The following TRA2A variants were observed in gnomAD, a reference collection of about 807,000 sequenced individuals.
TRA2A encodes the protein transformer 2 alpha homolog.
Under a neutral mutation model 45.7 loss-of-function variants are expected in TRA2A, and 31 were observed. The observed-to-expected ratio is 0.68, with a 90% CI of 0.51 to 0.92. The LOEUF is 0.92. TRA2A is among the 40% of genes least tolerant of loss of function. The pLI is 0.00. For missense variants in TRA2A, 304 were observed against 367.5 expected (o/e 0.83, Z 1.41); for synonymous variants, 132 against 126.2 (o/e 1.05, Z -0.31).
intron 2 of TRA2A, among the ~76,000 whole-genome samples, chr7:23,518,067 C>T (rs184938082): frequency 1.3e-4 from 19 of 151,644 alleles, no homozygotes; most frequent in Non-Finnish European, 2.8e-4. Context: ...GCTTCCCAGA[C>T]AGCTAGGACT....
Position 23,505,500 on chromosome 7 carries a change from T to TAAAAAAA in TRA2A, c.*52_*58dup, listed in dbSNP as rs777556731. 4.3e-3 allele frequency: 1,510 copies of TAAAAAAA among 349,762 alleles called. 4 individuals carry two copies. The highest frequency in any genetic ancestry group is 5.7e-3 in the Non-Finnish European group (1,180 of 208,386). 21.7% of individuals were successfully genotyped at this position (349,762 alleles called of 1,614,324 possible). On this transcript the variant is annotated 3_prime_UTR_variant, in exon 8 of 8. Coordinates refer to ENST00000297071, the MANE Select transcript of TRA2A (RefSeq NM_013293.5). Reference sequence around the variant, plus strand: ...CCACAGCTTGGGGAAATCTCAGAATTAAAAAAAAAAAAAAAAAAAAGAGGA... The same window carrying TAAAAAAA: ...CCACAGCTTGGGGAAATCTCAGAATTAAAAAAAAAAAAAAAAAAAAAAAAAAAGAGGA...
chr7:23,506,296 G>A lies in TRA2A; in HGVS notation c.642-30C>T, dbSNP rs374383846. 2.5e-4 allele frequency: 399 copies of A among 1,565,218 alleles called. No individual in the cohort carries two copies. The African/African-American group carries it at 5.0e-3, about 20-fold the overall frequency. On this transcript the variant is annotated intron_variant, in intron 5 of 7. Transcript: ENST00000297071. ...AGAAAAATGTAAAAATTCTCCATTA[G>A]TGTGAATGACTATTTTCCAGGACAC...
At chr7:23,510,094 T>A (rs367643143) in intron 4 of TRA2A, among the ~76,000 whole-genome samples, 1 of 152,158 alleles carries the variant, frequency 6.6e-6, no homozygotes, top group Non-Finnish European at 1.5e-5. Flanking sequence ...TCACTTCAGA[T>A]TGCCTGTCCC....
chr7:23,510,298 C>A (rs1789539073), intron 4 of TRA2A, among the ~76,000 whole-genome samples: 1 of 152,114 alleles, frequency 6.6e-6, no homozygotes, highest in Non-Finnish European at 1.5e-5. Context: ...AGTAACTGCT[C>A]CTGTCTTTAA....
At chr7:23,521,950 T>G in intron 1 of TRA2A, 110 bp from the exon 2 acceptor site, 1 of 1,487,550 alleles carries the variant, frequency 6.7e-7, no homozygotes, top group Non-Finnish European at 9.0e-7. Flanking sequence ...AACAAATGGT[T>G]AGACAACACC....
chr7:23,511,429 A>G (rs1391365282), intron 4 of TRA2A, among the ~76,000 whole-genome samples: 1 of 146,770 alleles, frequency 6.8e-6, no homozygotes, highest in Admixed American at 6.8e-5. Context: ...AAGAAAAGAA[A>G]AACACCCTGA....
intron 2 of TRA2A, among the ~76,000 whole-genome samples, chr7:23,520,672 G>A (rs1790092932): frequency 6.8e-6 from 1 of 147,544 alleles, no homozygotes; most frequent in African/African-American, 2.5e-5. Flanking sequence ...TAACTGGTCA[G>A]GCTGTTTTAA....
At chr7:23,531,495 T>C in intron 1 of TRA2A, 1 of 506,360 alleles carries the variant, frequency 2.0e-6, no homozygotes, top group Non-Finnish European at 3.5e-6. Flanking sequence ...GGAGCAGACA[T>C]AAGGAAGCCT....
At chr7:23,506,927 C>G (rs191093243) in intron 5 of TRA2A, among the ~76,000 whole-genome samples, 230 of 152,164 alleles carry the variant, frequency 1.5e-3, no homozygotes, top group African/African-American at 5.4e-3. Flanking sequence ...AGGTGCCTGC[C>G]ACCATGCCCA....
intron 2 of TRA2A, among the ~76,000 whole-genome samples, chr7:23,518,352 T>A (rs1048514159): frequency 1.3e-5 from 2 of 151,358 alleles, no homozygotes; most frequent in Non-Finnish European, 2.9e-5. Context: ...GTAACATTTC[T>A]TTTTTTGGAG....
chr7:23,515,223 C>CTTTT lies in TRA2A; in HGVS notation c.336+1136_336+1139dup, dbSNP rs767953060. Among the ~76,000 whole-genome samples, 219 of 96,772 alleles carry CTTTT rather than the reference C, an allele frequency of 2.3e-3. 2 individuals are homozygous for CTTTT. Among genetic ancestry groups the CTTTT allele is most frequent in the Middle Eastern group, 8.3e-3 (1 of 120 alleles). 63.5% of individuals were successfully genotyped at this position (96,772 alleles called of 152,430 possible). A position where few individuals can be genotyped will look rare whatever the true frequency, so the allele number is the denominator to read the frequency against. ...TCACTTGAATTCGTGGAACATATTT[C>CTTTT]TTTTTTTTTTTTTTTTTTTTTTTTG... On this transcript the variant is annotated intron_variant, in intron 3 of 7. Transcript: ENST00000297071.
intron 1 of TRA2A, among the ~76,000 whole-genome samples, chr7:23,530,496 T>C (rs1347308681): frequency 3.3e-5 from 5 of 152,218 alleles, no homozygotes; most frequent in Admixed American, 2.0e-4. Context: ...GGTGTTTTTA[T>C]GTGCTTCCCC....
intron 7 of TRA2A, 53 bp downstream of exon 7, chr7:23,505,693 A>G: frequency 2.6e-6 from 3 of 1,168,338 alleles, no homozygotes; most frequent in Non-Finnish European, 1.2e-6. Context: ...TTCTAAAGTA[A>G]GCCATTAATT....
At chr7:23,514,852 A>G (rs1277200168) in intron 3 of TRA2A, among the ~76,000 whole-genome samples, 1 of 152,234 alleles carries the variant, frequency 6.6e-6, no homozygotes, top group Non-Finnish European at 1.5e-5. Flanking sequence ...TTAAATAATG[A>G]CATGCTCCAC....
intron 4 of TRA2A, 107 bp downstream of exon 4, chr7:23,512,787 A>G (rs1789687025): frequency 2.1e-6 from 2 of 972,276 alleles, no homozygotes; most frequent in Non-Finnish European, 2.9e-6. Context: ...AAAAAAAAAA[A>G]GAAAAAAAGG....
At chr7:23,526,248 C>T (rs1790336284) in intron 1 of TRA2A, among the ~76,000 whole-genome samples, 2 of 152,110 alleles carry the variant, frequency 1.3e-5, no homozygotes, top group African/African-American at 4.8e-5. Flanking sequence ...TATGTGCTAT[C>T]CATTAAAATA....
intron 2 of TRA2A, among the ~76,000 whole-genome samples, chr7:23,520,072 CA>C: frequency 6.6e-6 from 1 of 152,026 alleles, no homozygotes. Flanking sequence ...ACTAAAAATA[CA>C]AAAAATTAGC....
intron 1 of TRA2A, among the ~76,000 whole-genome samples, chr7:23,528,973 A>G (rs1286790652): frequency 1.3e-5 from 2 of 152,178 alleles, no homozygotes; most frequent in Non-Finnish European, 2.9e-5. Flanking sequence ...GTCCCTAACA[A>G]TAAAGAATCA....
At chr7:23,528,198 A>C (rs1340996460) in intron 1 of TRA2A, among the ~76,000 whole-genome samples, 1 of 152,176 alleles carries the variant, frequency 6.6e-6, no homozygotes, top group Non-Finnish European at 1.5e-5. Context: ...AGCCCAATTT[A>C]AAAGTTCTGT....
Sources: allele counts gnomAD v4.1 joint callset (sites outside exome capture counted in the v4.1 genomes callset), GRCh38; gene constraint gnomAD v4.1.1; transcripts MANE v1.5; gene names NCBI Gene and HGNC (gene_info 2026-07-23, HGNC 2026-07-21).